MATR3: variants seen among roughly 807,000 people sequenced by gnomAD.
MATR3 encodes matrin 3, also known as matrin-3.
A neutral mutation model predicts 85.5 loss-of-function variants in MATR3; 4 were observed. The observed-to-expected ratio is 0.05, with a 90% CI of 0.02 to 0.11. MATR3 has a LOEUF of 0.11. Among genes scored for constraint, MATR3 ranks in the 10% least tolerant of loss-of-function variants. The pLI is 1.00. For synonymous variants in MATR3, 336 were observed against 343.1 expected (o/e 0.98, Z 0.23); for missense variants, 685 against 1,016.1 (o/e 0.67, Z 4.43).
In MATR3 at chr5:139,302,525, A is replaced by G. The variant is rs375306389; in HGVS notation, c.-177-4714A>G. ...ATGGTAAATTCTTTATAAAACCATTATAAAATTTAATAAATGAAGAAAAAT... is the reference window on the plus strand; with the variant it reads ...ATGGTAAATTCTTTATAAAACCATTGTAAAATTTAATAAATGAAGAAAAAT... On this transcript the variant is annotated intron_variant, in intron 1 of 14. Coordinates refer to ENST00000394805, the MANE Select transcript of MATR3 (RefSeq NM_018834.6). 2.6e-3 allele frequency among the ~76,000 whole-genome samples: 399 copies of G among 152,366 alleles called. 26 individuals carry two copies. In the South Asian group the frequency reaches 0.081, roughly 31 times the overall value.
chr5:139,301,314 G>A (rs964494316), intron 1 of MATR3, among the ~76,000 whole-genome samples: 1 of 151,874 alleles, frequency 6.6e-6, no homozygotes, highest in African/African-American at 2.4e-5. Context: ...TAGGGATACA[G>A]AATGGAGCCT....
intron 1 of MATR3, among the ~76,000 whole-genome samples, chr5:139,298,142 C>T (rs1195503101): frequency 2.0e-5 from 3 of 152,090 alleles, no homozygotes; most frequent in Non-Finnish European, 4.4e-5. Flanking sequence ...TGGTTTTTTT[C>T]CTCCTTTGTG....
At chr5:139,303,872 C>T (rs905076420) in intron 1 of MATR3, among the ~76,000 whole-genome samples, 5 of 152,144 alleles carry the variant, frequency 3.3e-5, no homozygotes, top group East Asian at 1.9e-4. Flanking sequence ...AAGGACTTAC[C>T]GGTAATCTTT....
intron 5 of MATR3, 111 bp from the exon 6 acceptor site, chr5:139,316,942 T>C (rs1460000289): frequency 1.2e-5 from 10 of 812,376 alleles, no homozygotes; most frequent in African/African-American, 1.7e-5. Flanking sequence ...GGTAATCATA[T>C]ATTTGTAAGA....
At chr5:139,313,945 G>A (rs1755122677) in intron 2 of MATR3, 2 of 152,108 alleles carry the variant, frequency 1.3e-5, no homozygotes, top group Non-Finnish European at 2.9e-5. Flanking sequence ...TTTTGAGACG[G>A]AGTCTTTGTC....
At chr5:139,322,167 A>G in intron 10 of MATR3, 138 bp downstream of exon 10, 2 of 1,111,446 alleles carry the variant, frequency 1.8e-6, no homozygotes, top group Non-Finnish European at 2.6e-6. Context: ...AAAGAGAACA[A>G]CCTTTTTTTC....
intron 2 of MATR3, chr5:139,276,276 G>C (rs1323281555): frequency 2.2e-6 from 1 of 452,956 alleles, no homozygotes; most frequent in Non-Finnish European, 4.5e-6. Context: ...TTCTGGCCCT[G>C]GTTCATGCCA....
At chr5:139,306,155 A>C (rs1754695384) in intron 1 of MATR3, among the ~76,000 whole-genome samples, 1 of 152,218 alleles carries the variant, frequency 6.6e-6, no homozygotes, top group African/African-American at 2.4e-5. Flanking sequence ...TATATCTTTC[A>C]ACTAATATTT....
chr5:139,306,422 G>A (rs1048409345), intron 1 of MATR3, among the ~76,000 whole-genome samples: 2 of 152,110 alleles, frequency 1.3e-5, no homozygotes, highest in African/African-American at 4.8e-5. Context: ...AATGAGTACT[G>A]ATGGATGCTG....
At chr5:139,322,230 A>G (rs975662787) in intron 10 of MATR3, among the ~76,000 whole-genome samples, 1 of 152,168 alleles carries the variant, frequency 6.6e-6, no homozygotes, top group Non-Finnish European at 1.5e-5. Context: ...GGACACCTTC[A>G]TTGCTCTTAT....
At position 139,330,685 on chromosome 5, in the gene MATR3, T is replaced by C. The variant is rs926940693; in HGVS notation, c.*1290T>C. ...AAACAGAAGCTTATGTTTAGAGATA[T>C]TGATGACTTAACAGTACAATTGGAA... On this transcript the variant is annotated 3_prime_UTR_variant, in exon 15 of 15. Coordinates refer to ENST00000394805, the MANE Select transcript of MATR3 (RefSeq NM_018834.6). 12 of 454,002 alleles carry C rather than the reference T, an allele frequency of 2.6e-5. No homozygotes were observed. The highest frequency in any genetic ancestry group is 1.4e-4 in the Admixed American group (6 of 42,546). 28.1% of individuals were successfully genotyped at this position (454,002 alleles called of 1,614,324 possible). A position where few individuals can be genotyped will look rare whatever the true frequency, so the allele number is the denominator to read the frequency against.
chr5:139,276,675 G>A (rs1042569309), intron 2 of MATR3, among the ~76,000 whole-genome samples: 4 of 152,122 alleles, frequency 2.6e-5, no homozygotes, highest in African/African-American at 9.7e-5. Context: ...GAGGGGGTTG[G>A]TAAAAATAGA....
intron 7 of MATR3, among the ~76,000 whole-genome samples, chr5:139,318,279 G>A (rs187734346): frequency 7.9e-5 from 12 of 152,034 alleles, no homozygotes; most frequent in African/African-American, 2.9e-4. Flanking sequence ...GATTACAGCC[G>A]CCCACTATCA....
At position 139,322,140 on chromosome 5, in the gene MATR3, A is replaced by G. The variant is rs79469522; in HGVS notation, c.1734+111A>G. 2.2e-3 allele frequency: 2,830 copies of G among 1,299,152 alleles called. 53 individuals are homozygous for G. In the African/African-American group the frequency reaches 0.037, roughly 17 times the overall value. 80.5% of individuals were successfully genotyped at this position (1,299,152 alleles called of 1,614,324 possible). A position where few individuals can be genotyped will look rare whatever the true frequency, so the allele number is the denominator to read the frequency against. On this transcript the variant is annotated intron_variant, in intron 10 of 14. Transcript: ENST00000394805. ...TAAAAATACAGGATTATTGAAACCTATTGAAATAAGTTATTGAAAGAGAAC... is the reference window on the plus strand; with the variant it reads ...TAAAAATACAGGATTATTGAAACCTGTTGAAATAAGTTATTGAAAGAGAAC...
chr5:139,290,901 GT>G (rs1753852444), upstream of MATR3, among the ~76,000 whole-genome samples: 3 of 152,156 alleles, frequency 2.0e-5, no homozygotes, highest in Admixed American at 6.5e-5. Context: ...GCGTTGGATA[GT>G]ATTAAATAGG....
chr5:139,331,415 T>C lies in MATR3; in HGVS notation c.*2020T>C, dbSNP rs780509770. 8.8e-6 allele frequency: 4 copies of C among 454,042 alleles called. No individual in the cohort carries two copies. Among genetic ancestry groups the C allele is most frequent in the African/African-American group, 6.0e-5 (3 of 50,018 alleles). 28.1% of individuals were successfully genotyped at this position (454,042 alleles called of 1,614,324 possible). ...GATGGCTTTTTCATAGCTTCAACTT[T>C]GTTGGATTTAGCAAGTTGAAGGAAA... is the stretch of plus-strand genomic sequence containing the variant. On this transcript the variant is annotated 3_prime_UTR_variant, in exon 15 of 15. Transcript: ENST00000394805.
At chr5:139,278,827 G>A (rs866283362) in intron 2 of MATR3, 1 of 517,252 alleles carries the variant, frequency 1.9e-6, no homozygotes, top group Non-Finnish European at 3.8e-6. Flanking sequence ...CTGTGATGGT[G>A]TTACACTGTT....
At chr5:139,279,243 G>A (rs565843160) in intron 3 of MATR3, 1 of 440,922 alleles carries the variant, frequency 2.3e-6, no homozygotes. Context: ...CTTTTTTTTG[G>A]GGGGGGACGG....
intron 2 of MATR3, chr5:139,314,391 C>A: frequency 2.6e-6 from 1 of 382,882 alleles, no homozygotes; most frequent in Non-Finnish European, 5.0e-6. Flanking sequence ...AGTTACTACT[C>A]TTGATCTTTA....
Sources: gnomAD v4.1 joint callset for allele counts (sites outside exome capture counted in the v4.1 genomes callset) on GRCh38, gnomAD v4.1.1 for gene constraint, MANE v1.5 for transcripts, NCBI Gene and HGNC (gene_info 2026-07-23, HGNC 2026-07-21) for gene names.